DISC1: variants seen among roughly 807,000 people sequenced by gnomAD.
DISC1 encodes the protein DISC1 scaffold protein.
DISC1 carries 57 observed loss-of-function variants against 84.5 expected under a neutral mutation model. The ratio of observed to expected loss-of-function variants is 0.67; its 90% CI spans 0.55 to 0.84. The LOEUF (loss-of-function observed/expected upper bound fraction) is 0.84, where lower values mean the gene tolerates loss of function less well. Among genes scored for constraint, DISC1 ranks in the 40% least tolerant of loss-of-function variants. The pLI is 0.00. For missense variants in DISC1, 1,000 were observed against 1,057.8 expected, an observed-to-expected ratio of 0.95 and a Z score of 0.76; for synonymous variants, 411 against 415.2, an observed-to-expected ratio of 0.99 and a Z score of 0.12.
intron 10 of DISC1, among the ~76,000 whole-genome samples, chr1:231,997,618 A>G (rs557528708): frequency 6.6e-6 from 1 of 152,230 alleles, no homozygotes; most frequent in Non-Finnish European, 1.5e-5. Flanking sequence ...GCAGTAGCAG[A>G]GGAGCACTGC....
chr1:231,887,117 C>T (rs1395876298), intron 9 of DISC1, among the ~76,000 whole-genome samples: 2 of 152,072 alleles, frequency 1.3e-5, no homozygotes, highest in Admixed American at 6.5e-5. Context: ...ACCTCAGCCT[C>T]CCAAAGTGCT....
chr1:231,812,910 A>G (rs1359425301), intron 8 of DISC1, among the ~76,000 whole-genome samples: 2 of 152,216 alleles, frequency 1.3e-5, no homozygotes, highest in Non-Finnish European at 2.9e-5. Flanking sequence ...GATCAAGGGC[A>G]TTGTAGCATT....
intron 8 of DISC1, among the ~76,000 whole-genome samples, chr1:231,804,802 A>G (rs890733143): frequency 6.6e-6 from 1 of 152,204 alleles, no homozygotes; most frequent in Non-Finnish European, 1.5e-5. Flanking sequence ...CAGGATACAC[A>G]GAGCTCTGAA....
chr1:231,870,664 A>C (rs773166867), intron 9 of DISC1, among the ~76,000 whole-genome samples: 20 of 152,168 alleles, frequency 1.3e-4, no homozygotes, highest in African/African-American at 2.4e-5. Context: ...GCCCCCCAAA[A>C]AGCCCTCAAA....
chr1:231,717,046 T>C (rs1466219371), intron 3 of DISC1, among the ~76,000 whole-genome samples: 2 of 152,100 alleles, frequency 1.3e-5, no homozygotes, highest in African/African-American at 2.4e-5. Flanking sequence ...TTTAGCAAGC[T>C]CTGCAGTTTG....
chr1:231,870,532 G>A (rs554642728), intron 9 of DISC1, among the ~76,000 whole-genome samples: 2 of 152,314 alleles, frequency 1.3e-5, no homozygotes, highest in South Asian at 2.1e-4. Flanking sequence ...TCCTGAGCTC[G>A]TTGTGGGAAG....
chr1:231,649,438 C>T (rs2060428391), intron 1 of DISC1, among the ~76,000 whole-genome samples: 1 of 152,134 alleles, frequency 6.6e-6, no homozygotes, highest in Non-Finnish European at 1.5e-5. Flanking sequence ...GTTATGATTT[C>T]TGTTCTTTTA....
Position 231,999,507 on chromosome 1 carries a change from T to C in DISC1, c.2043-9278T>C, listed in dbSNP as rs562559367. Among the ~76,000 whole-genome samples the C allele has an allele frequency of 1.6e-3, 237 of 151,962 alleles. 1 individual carries two copies. The highest frequency in any genetic ancestry group is 5.3e-3 in the African/African-American group (220 of 41,448). ...CTTCCCTCCTGGCCTCCAACTCCCTTCCCCTCCCAGAGACACCTGGTTAGC... is the reference window on the plus strand; with the variant it reads ...CTTCCCTCCTGGCCTCCAACTCCCTCCCCCTCCCAGAGACACCTGGTTAGC... On this transcript the variant is annotated intron_variant, in intron 10 of 12. Coordinates refer to ENST00000439617, the MANE Select transcript of DISC1 (RefSeq NM_018662.3).
At chr1:231,757,802 G>A (rs1328636415) in intron 4 of DISC1, among the ~76,000 whole-genome samples, 3 of 152,014 alleles carry the variant, frequency 2.0e-5, no homozygotes, top group Non-Finnish European at 4.4e-5. Context: ...CCTGGTTTAC[G>A]GGGCAGCAAC....
chr1:231,823,986 G>C (rs1286483026), intron 9 of DISC1, among the ~76,000 whole-genome samples: 1 of 152,168 alleles, frequency 6.6e-6, no homozygotes, highest in Non-Finnish European at 1.5e-5. Context: ...CTGTCGAGGT[G>C]AATTAGGGCT....
At chr1:231,976,805 A>G (rs1662875747) in intron 10 of DISC1, among the ~76,000 whole-genome samples, 1 of 152,222 alleles carries the variant, frequency 6.6e-6, no homozygotes, top group South Asian at 2.1e-4. Context: ...TGGTAGAGAG[A>G]CTGATTCAGA....
intron 8 of DISC1, among the ~76,000 whole-genome samples, chr1:231,801,274 T>C (rs1202923516): frequency 6.7e-6 from 1 of 149,956 alleles, no homozygotes; most frequent in Non-Finnish European, 1.5e-5. Context: ...GCCCATTTGC[T>C]GAGAGAAAAA....
chr1:232,001,155 C>T (rs534840003), intron 10 of DISC1, among the ~76,000 whole-genome samples: 1 of 152,152 alleles, frequency 6.6e-6, no homozygotes, highest in Admixed American at 6.5e-5. Flanking sequence ...CTTGGTTCAC[C>T]GCAACCTCCA....
At chr1:231,926,953 G>C (rs1203208361) in intron 9 of DISC1, among the ~76,000 whole-genome samples, 1 of 152,146 alleles carries the variant, frequency 6.6e-6, no homozygotes, top group South Asian at 2.1e-4. Context: ...AAGGCTATTG[G>C]CCTCCTGGAA....
At chr1:232,025,807 A>G (rs1368835824) in intron 11 of DISC1, among the ~76,000 whole-genome samples, 3 of 152,100 alleles carry the variant, frequency 2.0e-5, no homozygotes, top group Non-Finnish European at 4.4e-5. Flanking sequence ...CGTGTTAGCC[A>G]GGATGGTCTT....
intron 9 of DISC1, among the ~76,000 whole-genome samples, chr1:231,869,571 C>T (rs1038389246): frequency 3.3e-5 from 5 of 151,704 alleles, no homozygotes; most frequent in African/African-American, 1.2e-4. Context: ...CTCTCTCTTG[C>T]TTCCTCTCTG....
chr1:231,696,877 C>T (rs1383214485), intron 2 of DISC1, among the ~76,000 whole-genome samples: 1 of 152,192 alleles, frequency 6.6e-6, no homozygotes, highest in Non-Finnish European at 1.5e-5. Flanking sequence ...ATGAAGTCAC[C>T]TAATAATGCA....
intron 2 of DISC1, among the ~76,000 whole-genome samples, chr1:231,696,461 T>C (rs987412769): frequency 1.3e-5 from 2 of 152,316 alleles, no homozygotes; most frequent in South Asian, 4.1e-4. Flanking sequence ...CAAATTAAAT[T>C]CCTATCTTAT....
chr1:231,777,216 G>A (rs543335449), intron 6 of DISC1, among the ~76,000 whole-genome samples: 24 of 151,944 alleles, frequency 1.6e-4, no homozygotes, highest in African/African-American at 5.8e-4. Flanking sequence ...CTTTTTTTTG[G>A]TAAGGACTTT....
Sources: gnomAD v4.1 joint callset for allele counts (sites outside exome capture counted in the v4.1 genomes callset) on GRCh38, gnomAD v4.1.1 for gene constraint, MANE v1.5 for transcripts, NCBI Gene and HGNC (gene_info 2026-07-23, HGNC 2026-07-21) for gene names.